The following PDE6C variants were observed in gnomAD, a reference collection of about 807,000 sequenced individuals.
PDE6C encodes the protein cone cGMP-specific 3',5'-cyclic phosphodiesterase subunit alpha'.
Under a neutral mutation model 113.1 loss-of-function variants are expected in PDE6C, and 75 were observed. The ratio of observed to expected loss-of-function variants is 0.66; its 90% CI spans 0.55 to 0.80. The LOEUF is 0.80. Ranked by LOEUF, PDE6C falls within the 30% of genes least tolerant of loss-of-function variation. PDE6C has a pLI of 0.00. For missense variants in PDE6C, 912 were observed against 1,038.6 expected, an observed-to-expected ratio of 0.88 and a Z score of 1.67; for synonymous variants, 375 against 363.7, an observed-to-expected ratio of 1.03 and a Z score of -0.35.
chr10:93,636,940 A>G (rs2058535975), intron 10 of PDE6C, 55 bp from the exon 11 acceptor site: 1 of 909,844 alleles, frequency 1.1e-6, no homozygotes, highest in Admixed American at 1.7e-5. Flanking sequence ...TAGAGGAATC[A>G]GATGGAAATC....
intron 7 of PDE6C, among the ~76,000 whole-genome samples, chr10:93,628,898 A>G (rs1564798092): frequency 6.6e-6 from 1 of 152,210 alleles, no homozygotes; most frequent in Non-Finnish European, 1.5e-5. Flanking sequence ...GAAGAAAAAA[A>G]GCAATCCTAG....
intron 21 of PDE6C, among the ~76,000 whole-genome samples, chr10:93,664,094 G>A (rs1426787440): frequency 1.3e-5 from 2 of 152,188 alleles, no homozygotes; most frequent in Non-Finnish European, 2.9e-5. Context: ...ATTCACTTAT[G>A]TATTTATCAG....
chr10:93,658,062 C>T lies in PDE6C; in HGVS notation c.2037-839C>T, dbSNP rs138674615. Reference sequence around the variant, plus strand: ...GAGCATGCCTGTAGTCCCACCTACTCGGTAGGCTGAAGTGGGAGGATCCCT... The same window carrying T: ...GAGCATGCCTGTAGTCCCACCTACTTGGTAGGCTGAAGTGGGAGGATCCCT... On this transcript the variant is annotated intron_variant, in intron 16 of 21. Transcript: ENST00000371447. 2.4e-3 allele frequency among the ~76,000 whole-genome samples: 347 copies of T among 146,932 alleles called. 2 individuals carry two copies. Among genetic ancestry groups the T allele is most frequent in the African/African-American group, 8.3e-3 (332 of 40,200 alleles).
At position 93,629,284 on chromosome 10, in the gene PDE6C, G is replaced by A. The variant is rs714550; in HGVS notation, c.1098G>A (p.Ala366=). ...TCTGTAACATGATGAATGCCCCTGC[G>A]GATGAATACTTCACATTTCAGGTAA... is the stretch of plus-strand genomic sequence containing the variant. ...GFICNMMNAP[A]DEYFTFQKGP... The change falls in exon 8 of 22, where the codon GCG becomes GCA. Residue 366 remains alanine (A), a synonymous_variant. Transcript: ENST00000371447. 545,153 of 1,603,472 alleles carry A rather than the reference G, an allele frequency of 0.34. 95,157 individuals are homozygous for A. Among genetic ancestry groups the A allele is most frequent in the East Asian group, 0.47 (20,874 of 44,780 alleles).
At chr10:93,627,011 C>G in intron 7 of PDE6C, 140 bp downstream of exon 7, 2 of 741,546 alleles carry the variant, frequency 2.7e-6, no homozygotes, top group Non-Finnish European at 4.6e-6. Context: ...GCCTGTAATC[C>G]CAGCACTTTG....
intron 18 of PDE6C, 83 bp downstream of exon 18, chr10:93,659,250 G>C (rs1163270881): frequency 1.1e-6 from 1 of 944,066 alleles, no homozygotes; most frequent in East Asian, 2.5e-5. Context: ...AAGATCTCAG[G>C]CAACCTCAGA....
intron 17 of PDE6C, 30 bp downstream of exon 17, chr10:93,659,038 G>GT (rs773702961): frequency 8.9e-6 from 14 of 1,573,150 alleles, no homozygotes; most frequent in Admixed American, 1.7e-5. Flanking sequence ...TTTCTCTCTT[G>GT]TTTTTTGTAA....
chr10:93,624,455 C>T (rs1048986562), intron 4 of PDE6C, among the ~76,000 whole-genome samples: 1 of 152,180 alleles, frequency 6.6e-6, no homozygotes, highest in African/African-American at 2.4e-5. Flanking sequence ...CCAGACTGGT[C>T]TCGAACTCCT....
At chr10:93,619,686 A>G (rs1487130574) in intron 1 of PDE6C, among the ~76,000 whole-genome samples, 1 of 152,184 alleles carries the variant, frequency 6.6e-6, no homozygotes, top group East Asian at 1.9e-4. Context: ...TTGGCCTCCC[A>G]AAGTGCTGGG....
At chr10:93,637,106 C>A in intron 11 of PDE6C, 43 bp downstream of exon 11, 1 of 955,242 alleles carries the variant, frequency 1.0e-6, no homozygotes, top group Non-Finnish European at 1.7e-6. Flanking sequence ...TAAATAGAGG[C>A]ATTATAAATC....
chr10:93,622,136 A>G (rs1416514326), intron 4 of PDE6C, 64 bp downstream of exon 4: 2 of 1,458,886 alleles, frequency 1.4e-6, no homozygotes, highest in Non-Finnish European at 1.9e-6. Flanking sequence ...ACCACAGGAA[A>G]TGTGATCCTT....
At chr10:93,651,471 A>C (rs1205013168) in intron 15 of PDE6C, among the ~76,000 whole-genome samples, 1 of 152,148 alleles carries the variant, frequency 6.6e-6, no homozygotes, top group Non-Finnish European at 1.5e-5. Context: ...AGAAAGAGTG[A>C]GGAAGTGGCA....
chr10:93,652,917 TC>T (rs1276126251), intron 15 of PDE6C, among the ~76,000 whole-genome samples: 5 of 152,332 alleles, frequency 3.3e-5, no homozygotes, highest in Admixed American at 2.0e-4. Context: ...CTGATTTGCT[TC>T]TTTAAATGAC....
rs113272209 is a variant in PDE6C, at chr10:93,663,402, G to C, written c.2518+224G>C. Among the ~76,000 whole-genome samples the C allele has an allele frequency of 3.2e-3, 494 of 152,300 alleles. 3 individuals are homozygous for C. The highest frequency in any genetic ancestry group is 0.012 in the African/African-American group (484 of 41,570). On this transcript the variant is annotated intron_variant, in intron 21 of 21. Coordinates refer to ENST00000371447, the MANE Select transcript of PDE6C (RefSeq NM_006204.4). ...GATCGAATTGACCGGTCCAGTTGAA[G>C]TAGAGGTTGGAGCTAGGCTTCTTCA...
At chr10:93,614,353 G>T (rs938169636) in intron 1 of PDE6C, among the ~76,000 whole-genome samples, 2 of 152,122 alleles carry the variant, frequency 1.3e-5, no homozygotes, top group African/African-American at 4.8e-5. Context: ...ACAGAACACC[G>T]CTCAGGTGCA....
At chr10:93,647,481 T>A (rs1005647766) in intron 15 of PDE6C, among the ~76,000 whole-genome samples, 4 of 152,166 alleles carry the variant, frequency 2.6e-5, no homozygotes, top group Non-Finnish European at 5.9e-5. Context: ...GAAAACTGCT[T>A]GCGTTGTTTT....
intron 11 of PDE6C, among the ~76,000 whole-genome samples, chr10:93,639,776 A>G (rs1008222178): frequency 2.0e-5 from 3 of 152,236 alleles, no homozygotes; most frequent in Non-Finnish European, 4.4e-5. Context: ...ATTTTGCATC[A>G]TTGAAAGAAA....
At chr10:93,650,817 TACTA>T (rs2058606361) in intron 15 of PDE6C, among the ~76,000 whole-genome samples, 1 of 152,232 alleles carries the variant, frequency 6.6e-6, no homozygotes, top group African/African-American at 2.4e-5. Context: ...TTACAGTATC[TACTA>T]ACTCCCTTCT....
rs748240780 is a variant in PDE6C at position 93,640,440 on chromosome 10, CT to C, written c.1630-8del. 3 of 1,592,626 alleles carry C rather than the reference CT, an allele frequency of 1.9e-6. No homozygotes were observed. Among genetic ancestry groups the C allele is most frequent in the Non-Finnish European group, 2.6e-6 (3 of 1,160,706 alleles). On this transcript the variant is annotated splice_polypyrimidine_tract_variant and intron_variant, in intron 12 of 21. Coordinates refer to ENST00000371447, the MANE Select transcript of PDE6C (RefSeq NM_006204.4). ...TATTCCAAAGTCTGAATGGTGTCAT[CT>C]TCTTTTAGGTTCTTACCAGATGGAT...
Sources: gnomAD v4.1 joint callset for allele counts (sites outside exome capture counted in the v4.1 genomes callset) on GRCh38, gnomAD v4.1.1 for gene constraint, MANE v1.5 for transcripts, NCBI Gene and HGNC (gene_info 2026-07-23, HGNC 2026-07-21) for gene names.